The following SLC2A13 variants were observed in gnomAD, a reference collection of about 807,000 sequenced individuals.
SLC2A13 encodes proton myo-inositol cotransporter.
SLC2A13 carries 32 observed loss-of-function variants against 64.4 expected under a neutral mutation model. The ratio of observed to expected loss-of-function variants is 0.50; its 90% CI spans 0.37 to 0.67. SLC2A13 has a LOEUF of 0.67. Ranked by LOEUF, SLC2A13 falls within the 30% of genes least tolerant of loss-of-function variation. The pLI, the probability that SLC2A13 is intolerant of heterozygous loss-of-function variation, is 0.00. For synonymous variants in SLC2A13, 338 were observed against 327.1 expected (o/e 1.03, Z -0.36); for missense variants, 743 against 829.2 (o/e 0.90, Z 1.28).
Position 40,105,988 on chromosome 12 carries a change from G to A in SLC2A13, c.-180C>T. The A allele has an allele frequency of 4.5e-6, 3 of 665,998 alleles. No individual in the cohort carries two copies. Among genetic ancestry groups the A allele is most frequent in the South Asian group, 4.0e-5 (1 of 25,222 alleles). The allele number at this position is 665,998 out of a possible 1,614,324, so 41.3% of individuals were successfully genotyped here. On this transcript the variant is annotated 5_prime_UTR_variant, in exon 1 of 10. Coordinates refer to ENST00000280871, the MANE Select transcript of SLC2A13 (RefSeq NM_052885.4). The surrounding 1 kb of genome is among the most constrained non-coding windows in gnomAD (Gnocchi z 4.2). ...CGGCCGCTCCGGGGAGAAAGTTGCT[G>A]CCCGCCGCGCTCCGACGCTGCGGAG...
chr12:40,008,723 A>G (rs892882906), intron 3 of SLC2A13, among the ~76,000 whole-genome samples: 5 of 152,248 alleles, frequency 3.3e-5, no homozygotes, highest in Non-Finnish European at 7.3e-5. Flanking sequence ...CTTCCAGCCA[A>G]TATACTTTGA....
intron 1 of SLC2A13, among the ~76,000 whole-genome samples, chr12:40,074,113 G>A (rs1938071092): frequency 6.6e-6 from 1 of 151,340 alleles, no homozygotes; most frequent in African/African-American, 2.4e-5. Context: ...ACATCCTCAA[G>A]CTTGGACATT....
chr12:39,797,932 T>C (rs1010006222), intron 7 of SLC2A13, among the ~76,000 whole-genome samples: 10 of 152,212 alleles, frequency 6.6e-5, no homozygotes, highest in African/African-American at 1.7e-4. Context: ...GTGATCTTAC[T>C]TCCTAGTGTT....
chr12:40,007,559 CAT>C (rs1211665483), intron 3 of SLC2A13, among the ~76,000 whole-genome samples: 13 of 152,068 alleles, frequency 8.5e-5, no homozygotes, highest in African/African-American at 3.1e-4. Context: ...ACTAGACTCA[CAT>C]AGTTTTTAAA....
intron 3 of SLC2A13, among the ~76,000 whole-genome samples, chr12:40,004,169 G>T (rs189296461): frequency 6.6e-6 from 1 of 152,104 alleles, no homozygotes; most frequent in East Asian, 1.9e-4. Flanking sequence ...TAGGTTATAT[G>T]CAAATACTAT....
At chr12:40,027,655 C>A (rs982199891) in intron 3 of SLC2A13, among the ~76,000 whole-genome samples, 1 of 152,270 alleles carries the variant, frequency 6.6e-6, no homozygotes, top group Non-Finnish European at 1.5e-5. Flanking sequence ...CTTGAGCTAA[C>A]AATGTAGAGG....
At chr12:40,074,522 T>C (rs553431132) in intron 1 of SLC2A13, among the ~76,000 whole-genome samples, 2 of 152,270 alleles carry the variant, frequency 1.3e-5, no homozygotes, top group African/African-American at 4.8e-5. Context: ...CTTTTACAGA[T>C]TCTTAGAATT....
intron 7 of SLC2A13, among the ~76,000 whole-genome samples, chr12:39,775,397 A>ACTT (rs1351194027): frequency 6.6e-6 from 1 of 152,220 alleles, no homozygotes; most frequent in Non-Finnish European, 1.5e-5. Context: ...GATGTGGCCT[A>ACTT]CTTCTGCCTC....
intron 9 of SLC2A13, among the ~76,000 whole-genome samples, chr12:39,762,928 T>C (rs201153140): frequency 5.1e-3 from 1 of 198 alleles, no homozygotes; most frequent in Non-Finnish European, 0.011. Context: ...CATTTTTCTC[T>C]GGTTTTCTGG....
At chr12:39,968,710 T>C (rs1024854129) in intron 3 of SLC2A13, among the ~76,000 whole-genome samples, 1 of 141,560 alleles carries the variant, frequency 7.1e-6, no homozygotes, top group Non-Finnish European at 1.5e-5. Flanking sequence ...TTACTGACAC[T>C]TTACTCTCTA....
At chr12:39,925,214 C>T (rs949904181) in intron 4 of SLC2A13, among the ~76,000 whole-genome samples, 2 of 151,654 alleles carry the variant, frequency 1.3e-5, no homozygotes, top group East Asian at 1.9e-4. Context: ...TACTTTTTTT[C>T]TGTAGAGACG....
At chr12:39,812,996 A>ATTTT (rs71449493) in intron 7 of SLC2A13, among the ~76,000 whole-genome samples, 4,127 of 40,520 alleles carry the variant, frequency 0.1, 1,547 homozygotes, top group Non-Finnish European at 0.11. Flanking sequence ...TGCCCAGCTA[A>ATTTT]TTTTTTTTTT....
chr12:39,833,093 C>T (rs1325133590), intron 6 of SLC2A13, among the ~76,000 whole-genome samples: 2 of 152,094 alleles, frequency 1.3e-5, no homozygotes, highest in African/African-American at 4.8e-5. Flanking sequence ...GACCTGGCAT[C>T]AGCAAACTAC....
chr12:40,055,998 AAAC>A (rs1195761480), intron 1 of SLC2A13, among the ~76,000 whole-genome samples: 4 of 150,372 alleles, frequency 2.7e-5, no homozygotes, highest in South Asian at 2.1e-4. Context: ...AACAAAAAAA[AAAC>A]AAAACAAACA....
intron 3 of SLC2A13, among the ~76,000 whole-genome samples, chr12:39,972,418 A>G (rs1048002844): frequency 2.0e-5 from 3 of 152,164 alleles, no homozygotes; most frequent in Admixed American, 6.5e-5. Context: ...TTCTTATTTC[A>G]CTGAGGAAAC....
chr12:39,920,452 C>CAG (rs1328699070), intron 4 of SLC2A13, among the ~76,000 whole-genome samples: 1 of 152,056 alleles, frequency 6.6e-6, no homozygotes, highest in Non-Finnish European at 1.5e-5. Context: ...AGAACTGCAG[C>CAG]AGAGGTACCA....
intron 6 of SLC2A13, among the ~76,000 whole-genome samples, chr12:39,835,274 A>G (rs951131080): frequency 6.6e-6 from 1 of 152,062 alleles, no homozygotes; most frequent in African/African-American, 2.4e-5. Flanking sequence ...CCCAGTTCTA[A>G]GATTGTACAT....
At chr12:39,962,541 A>T (rs912529759) in intron 3 of SLC2A13, among the ~76,000 whole-genome samples, 1 of 152,196 alleles carries the variant, frequency 6.6e-6, no homozygotes, top group Non-Finnish European at 1.5e-5. Context: ...ATGGCTACTT[A>T]TTGTGCCATG....
intron 1 of SLC2A13, among the ~76,000 whole-genome samples, chr12:40,094,584 G>A (rs1460235224): frequency 6.6e-6 from 1 of 152,154 alleles, no homozygotes; most frequent in Non-Finnish European, 1.5e-5. Context: ...CAACACAGAG[G>A]GCACAGTAAA....
Sources: gnomAD v4.1 joint callset for allele counts (sites outside exome capture counted in the v4.1 genomes callset) on GRCh38, gnomAD v4.1.1 for gene constraint, Gnocchi (gnomAD v3.1) non-coding constraint, MANE v1.5 for transcripts, NCBI Gene and HGNC (gene_info 2026-07-23, HGNC 2026-07-21) for gene names.